PLEKHA1: variants seen among roughly 807,000 people sequenced by gnomAD.
PLEKHA1 encodes the protein pleckstrin homology domain-containing family A member 1.
A neutral mutation model predicts 52.0 loss-of-function variants in PLEKHA1; 34 were observed. That is an observed-to-expected ratio of 0.65 (90% confidence interval 0.50 to 0.87). PLEKHA1 has a LOEUF of 0.87. PLEKHA1 is among the 40% of genes least tolerant of loss of function. The pLI, the probability that PLEKHA1 is intolerant of heterozygous loss-of-function variation, is 0.00. For missense variants in PLEKHA1, 497 were observed against 504.2 expected, an observed-to-expected ratio of 0.99 and a Z score of 0.14; for synonymous variants, 163 against 170.7, an observed-to-expected ratio of 0.95 and a Z score of 0.35.
chr10:122,398,410 TC>T (rs1365267833), intron 3 of PLEKHA1, among the ~76,000 whole-genome samples: 2 of 152,142 alleles, frequency 1.3e-5, no homozygotes. Context: ...AGGATGATTT[TC>T]CCCCTCTTTT....
intron 5 of PLEKHA1, among the ~76,000 whole-genome samples, chr10:122,409,620 G>A (rs2097077802): frequency 1.3e-5 from 2 of 151,976 alleles, no homozygotes; most frequent in Admixed American, 6.6e-5. Context: ...TTAGTACTTT[G>A]AATTTGTGGC....
intron 1 of PLEKHA1, among the ~76,000 whole-genome samples, chr10:122,384,267 A>G (rs1053682960): frequency 3.9e-5 from 6 of 152,108 alleles, no homozygotes; most frequent in East Asian, 3.8e-4. Context: ...AATATTTTCT[A>G]CTGGCTTTGA....
intron 4 of PLEKHA1, among the ~76,000 whole-genome samples, chr10:122,404,584 C>T (rs1250738364): frequency 3.9e-5 from 6 of 152,146 alleles, no homozygotes; most frequent in Non-Finnish European, 7.4e-5. Flanking sequence ...GAAGCCTTAC[C>T]GATGGCTAGA....
intron 4 of PLEKHA1, among the ~76,000 whole-genome samples, chr10:122,405,908 TCTC>T (rs1198906599): frequency 6.6e-6 from 1 of 151,726 alleles, no homozygotes; most frequent in Non-Finnish European, 1.5e-5. Context: ...TCAAGGAGAG[TCTC>T]CTCTTTCCTT....
rs768906121 is a variant in PLEKHA1, at chr10:122,406,691, T to A, written c.342+18T>A. On this transcript the variant is annotated intron_variant, in intron 5 of 11. Coordinates refer to ENST00000368990, the MANE Select transcript of PLEKHA1 (RefSeq NM_001001974.4). ...AAATTACAGTAAGTATATGTATTTT[T>A]TTGAAAAACGTTCGATGTCTGGAAT... The A allele has an allele frequency of 6.5e-7, 1 of 1,540,034 alleles. No individual in the cohort carries two copies. Among genetic ancestry groups the A allele is most frequent in the East Asian group, 2.2e-5 (1 of 44,452 alleles).
At position 122,424,879 on chromosome 10, in the gene PLEKHA1, ATT is replaced by A; in HGVS notation, c.747-9_747-8del. 1 of 1,587,652 alleles carries A rather than the reference ATT, an allele frequency of 6.3e-7. No individual in the cohort carries two copies. On this transcript the variant is annotated splice_polypyrimidine_tract_variant and intron_variant, in intron 9 of 11. Transcript: ENST00000368990. ...ACAACTGCTATTTAAGTATAATTGGATTTTTTTTTCATACAGCGACATAATGA... is the reference window on the plus strand; with the variant it reads ...ACAACTGCTATTTAAGTATAATTGGATTTTTTTCATACAGCGACATAATGA...
At chr10:122,376,364 T>A (rs1177625760) in intron 1 of PLEKHA1, among the ~76,000 whole-genome samples, 2 of 151,850 alleles carry the variant, frequency 1.3e-5, no homozygotes, top group African/African-American at 4.8e-5. Context: ...GTATTTAAGT[T>A]TGACAGAATT....
At chr10:122,379,760 C>T (rs910469982) in intron 1 of PLEKHA1, among the ~76,000 whole-genome samples, 11 of 152,208 alleles carry the variant, frequency 7.2e-5, no homozygotes, top group African/African-American at 2.4e-4. Context: ...ACTAGTCCCA[C>T]TCGACATGTT....
chr10:122,428,489 C>A (rs1490195788), intron 11 of PLEKHA1: 2 of 1,246,486 alleles, frequency 1.6e-6, no homozygotes, highest in East Asian at 6.0e-5. Flanking sequence ...CAAACTGTTT[C>A]ACTGTAGTCA....
At position 122,397,870 on chromosome 10, in the gene PLEKHA1, G is replaced by A. The variant is rs778393011; in HGVS notation, c.142-48G>A. The A allele has an allele frequency of 8.3e-6, 11 of 1,331,186 alleles. No homozygotes were observed. The Admixed American group carries it at 1.1e-4, about 13-fold the overall frequency. 82.5% of individuals were successfully genotyped at this position (1,331,186 alleles called of 1,614,324 possible). ...TATGTGGAACATTATATTATAAAAT[G>A]AATTCATAATATTGGATATTAAGTA... On this transcript the variant is annotated intron_variant, in intron 2 of 11. Coordinates refer to ENST00000368990, the MANE Select transcript of PLEKHA1 (RefSeq NM_001001974.4).
chr10:122,423,914 G>A (rs1293617115), intron 8 of PLEKHA1: 4 of 364,338 alleles, frequency 1.1e-5, no homozygotes, highest in Non-Finnish European at 1.4e-5. Context: ...GGGAAAGTCT[G>A]ATGGCTAATA....
chr10:122,429,787 A>G lies in PLEKHA1; in HGVS notation c.1064A>G (p.Asn355Ser). The G allele has an allele frequency of 6.2e-7, 1 of 1,614,188 alleles. No homozygotes were observed. The highest frequency in any genetic ancestry group is 8.5e-7 in the Non-Finnish European group (1 of 1,180,024). Residue 355 changes from asparagine (N) to serine (S), a missense_variant, in exon 12 of 12, where the codon AAC (asparagine) becomes AGC (serine). Physicochemically the swap from Asn to Ser is conservative, Grantham distance 46. Coordinates refer to ENST00000368990, the MANE Select transcript of PLEKHA1 (RefSeq NM_001001974.4). ...YESLAKVKPG[N>S]FKVQTVSPRE... ...TCTCTTGCCAAGGTCAAGCCAGGGA[A>G]CTTCAAGGTCCAGACTGTCTCTCCA...
At chr10:122,438,674 T>G in the PLEKHA1 span, 1 of 152,238 alleles carries the variant, frequency 6.6e-6, no homozygotes, top group Non-Finnish European at 1.5e-5. Context: ...GAAAACCCAC[T>G]GAGCTCTGTG....
the PLEKHA1 span, chr10:122,438,592 A>T: frequency 6.6e-6 from 1 of 152,434 alleles, no homozygotes; most frequent in East Asian, 1.9e-4. Flanking sequence ...TGTGAAAGGC[A>T]TGAGAGAATA....
At chr10:122,427,972 T>C (rs867752983) in intron 11 of PLEKHA1, among the ~76,000 whole-genome samples, 4 of 152,250 alleles carry the variant, frequency 2.6e-5, no homozygotes, top group Admixed American at 6.5e-5. Flanking sequence ...ATGTTTCTGA[T>C]TTCTTAGTTG....
downstream of PLEKHA1, chr10:122,433,600 C>T (rs1201744860): frequency 6.6e-6 from 1 of 152,088 alleles, no homozygotes; most frequent in African/African-American, 2.4e-5. Flanking sequence ...CTTAGACCTT[C>T]AGATCTCTGT....
intron 10 of PLEKHA1, among the ~76,000 whole-genome samples, chr10:122,426,651 G>A (rs2292624): frequency 0.15 from 22,241 of 152,096 alleles, 1,770 homozygotes; most frequent in Middle Eastern, 0.2. Flanking sequence ...GAAATAAGAA[G>A]GGTTTTTCTT....
Position 122,430,156 on chromosome 10 carries a change from C to A in PLEKHA1, c.*218C>A, listed in dbSNP as rs1049387808. ...AAGAAAAAGGAAAAATCCAAAATAT[C>A]TCAGTATCATCTGTCTGAAGCATTG... is the stretch of plus-strand genomic sequence containing the variant. On this transcript the variant is annotated 3_prime_UTR_variant, in exon 12 of 12. Transcript: ENST00000368990. The A allele has an allele frequency of 8.6e-5, 43 of 500,812 alleles. No homozygotes were observed. The highest frequency in any genetic ancestry group is 1.3e-4 in the Non-Finnish European group (37 of 292,380). 31.0% of individuals were successfully genotyped at this position (500,812 alleles called of 1,614,324 possible).
At chr10:122,376,509 TATATATATATA>T (rs2096537608) in intron 1 of PLEKHA1, among the ~76,000 whole-genome samples, 1 of 668 alleles carries the variant, frequency 1.5e-3, no homozygotes, top group African/African-American at 3.3e-3. Context: ...AAGATATATA[TATATATATATA>T]TATATATATA....
Sources: allele counts gnomAD v4.1 joint callset (sites outside exome capture counted in the v4.1 genomes callset), GRCh38; gene constraint gnomAD v4.1.1; transcripts MANE v1.5; gene names NCBI Gene and HGNC (gene_info 2026-07-23, HGNC 2026-07-21).